Variants in PDE4D observed in about 807,000 individuals in gnomAD.
The protein encoded by PDE4D is phosphodiesterase 4D, also known as 3',5'-cyclic-AMP phosphodiesterase 4D.
Under a neutral mutation model 87.4 loss-of-function variants are expected in PDE4D, and 24 were observed. The ratio of observed to expected loss-of-function variants is 0.27; its 90% confidence interval spans 0.20 to 0.39. The LOEUF is 0.39. Among genes scored for constraint, PDE4D ranks in the 10% least tolerant of loss-of-function variants. The pLI, the probability that PDE4D is intolerant of heterozygous loss-of-function variation, is 1.00. For missense variants in PDE4D, 714 were observed against 1,041.0 expected (o/e 0.69, Z 4.32); for synonymous variants, 384 against 383.2 (o/e 1.00, Z -0.02).
At chr5:59,995,609 G>A (rs1027104000) in intron 2 of PDE4D, among the ~76,000 whole-genome samples, 6 of 152,122 alleles carry the variant, frequency 3.9e-5, no homozygotes, top group Non-Finnish European at 7.4e-5. Context: ...GTGAGCCACT[G>A]CACCCGGCCG....
chr5:60,109,978 T>C (rs1029868605), intron 2 of PDE4D, among the ~76,000 whole-genome samples: 1 of 151,910 alleles, frequency 6.6e-6, no homozygotes, highest in African/African-American at 2.4e-5. Flanking sequence ...AACCTGCACA[T>C]TGTGCACATG....
In PDE4D at chr5:59,193,407, T is replaced by C; in HGVS notation, c.684+93A>G. On this transcript the variant is annotated intron_variant, in intron 3 of 14. Transcript: ENST00000340635. ...ATTTGTATTTGTACTTGTGCTTGAT[T>C]TAAAATTAAATTAAATTAATAACCC... The C allele has an allele frequency of 2.6e-6, 3 of 1,166,916 alleles. No individual in the cohort carries two copies. In the South Asian group the frequency reaches 4.1e-5, roughly 16 times the overall value. The allele number at this position is 1,166,916 out of a possible 1,614,324, so 72.3% of individuals were successfully genotyped here. A position where few individuals can be genotyped will look rare whatever the true frequency, so the allele number is the denominator to read the frequency against.
intron 5 of PDE4D, among the ~76,000 whole-genome samples, chr5:59,079,742 G>A (rs1010084309): frequency 2.6e-5 from 4 of 151,652 alleles, no homozygotes; most frequent in Non-Finnish European, 5.9e-5. Flanking sequence ...CAGAGGCTGA[G>A]GCAGGAGGAC....
rs112014702 is a variant in PDE4D at position 59,962,823 on chromosome 5, A to C, written c.272+25665T>G. Among the ~76,000 whole-genome samples the C allele has an allele frequency of 2.0e-5, 3 of 152,298 alleles. 1 individual carries two copies. The highest frequency in any genetic ancestry group is 7.2e-5 in the African/African-American group (3 of 41,590). ...GGGATATATGTTAACTTAAAATTTG[A>C]ATTCATAGTGATATCTTTTCTCCTT... On this transcript the variant is annotated intron_variant, in intron 3 of 16. Coordinates refer to the PDE4D transcript ENST00000502484.
chr5:59,751,610 T>TGTGTGTGTGA (rs1339355385), intron 1 of PDE4D, among the ~76,000 whole-genome samples: 1 of 148,314 alleles, frequency 6.7e-6, no homozygotes, highest in Non-Finnish European at 1.5e-5. Context: ...TGTGTGTGTG[T>TGTGTGTGTGA]GATGTGAGAG....
chr5:59,142,715 T>C (rs1778065502), intron 5 of PDE4D, among the ~76,000 whole-genome samples: 1 of 152,130 alleles, frequency 6.6e-6, no homozygotes, highest in South Asian at 2.1e-4. Context: ...GGCGGGCGGA[T>C]CATGAGGTTA....
intron 1 of PDE4D, among the ~76,000 whole-genome samples, chr5:60,267,256 C>T (rs1750314502): frequency 6.6e-6 from 1 of 152,172 alleles, no homozygotes; most frequent in East Asian, 1.9e-4. Flanking sequence ...TATTATCTAT[C>T]AGGGTCTACA....
At chr5:60,411,541 G>C (rs950825230) in intron 1 of PDE4D, among the ~76,000 whole-genome samples, 5 of 152,106 alleles carry the variant, frequency 3.3e-5, no homozygotes, top group African/African-American at 1.2e-4. Flanking sequence ...ATATATGAAA[G>C]TAATCACCAT....
intron 1 of PDE4D, among the ~76,000 whole-genome samples, chr5:59,574,087 T>A (rs1246550375): frequency 2.9e-3 from 7 of 2,438 alleles, no homozygotes; most frequent in African/African-American, 7.1e-3. Context: ...TATATATTTA[T>A]ATATATAAAT....
At chr5:59,989,113 TATACACAC>T (rs145691930) in intron 2 of PDE4D, among the ~76,000 whole-genome samples, 41,863 of 133,298 alleles carry the variant, frequency 0.31, 7,404 homozygotes, top group East Asian at 0.56. Flanking sequence ...TATATATATA[TATACACAC>T]ACACACATAC....
At chr5:58,993,615 A>G (rs1748444096) in intron 6 of PDE4D, 150 bp from the exon 7 acceptor site, 1 of 531,162 alleles carries the variant, frequency 1.9e-6, no homozygotes, top group Non-Finnish European at 3.3e-6. Flanking sequence ...AACTTTCTTC[A>G]ATGAGGGGAA....
At chr5:59,918,108 T>G (rs1754273465) in intron 3 of PDE4D, among the ~76,000 whole-genome samples, 1 of 152,014 alleles carries the variant, frequency 6.6e-6, no homozygotes, top group Non-Finnish European at 1.5e-5. Context: ...TTAATAATGA[T>G]AAAAATATAT....
chr5:60,054,679 TAA>T (rs71606622), intron 2 of PDE4D, among the ~76,000 whole-genome samples: 1 of 150,856 alleles, frequency 6.6e-6, no homozygotes, highest in Admixed American at 6.6e-5. Context: ...TAAAGTATAA[TAA>T]AAAAAAATAA....
chr5:59,970,294 T>C (rs955538170), intron 3 of PDE4D, among the ~76,000 whole-genome samples: 1 of 152,098 alleles, frequency 6.6e-6, no homozygotes, highest in African/African-American at 2.4e-5. Flanking sequence ...GACACAGGCA[T>C]GGGCAAGGAC....
Position 59,121,056 on chromosome 5 carries a change from A to G in PDE4D, c.808+59539T>C, listed in dbSNP as rs185861934. 4.8e-3 allele frequency among the ~76,000 whole-genome samples: 725 copies of G among 152,334 alleles called. 6 individuals are homozygous for G. The highest frequency in any genetic ancestry group is 0.017 in the African/African-American group (698 of 41,586). On this transcript the variant is annotated intron_variant, in intron 5 of 14. Transcript: ENST00000340635. ...GACCCCTATCTCTCACCATACAAAA[A>G]TCAACTCAAGATGGATTAAAGACTT... is the stretch of plus-strand genomic sequence containing the variant.
chr5:59,616,918 C>CATATATATATATAT (rs55821264), intron 1 of PDE4D, among the ~76,000 whole-genome samples: 3,339 of 62,596 alleles, frequency 0.053, 402 homozygotes, highest in Middle Eastern at 0.091. Context: ...CTAATAATTA[C>CATATATATATATAT]ATATATATAT....
At chr5:59,302,957 C>T (rs1770557024) in intron 1 of PDE4D, among the ~76,000 whole-genome samples, 1 of 152,190 alleles carries the variant, frequency 6.6e-6, no homozygotes, top group African/African-American at 2.4e-5. Flanking sequence ...AAGGAATCCC[C>T]ACACTGTTTC....
intron 1 of PDE4D, among the ~76,000 whole-genome samples, chr5:60,392,855 C>T (rs184697897): frequency 2.6e-5 from 4 of 152,214 alleles, no homozygotes; most frequent in African/African-American, 2.4e-5. Flanking sequence ...CTCTCATGAT[C>T]AAACATTTCT....
intron 1 of PDE4D, among the ~76,000 whole-genome samples, chr5:59,444,484 T>C (rs976608252): frequency 9.2e-5 from 14 of 152,124 alleles, no homozygotes; most frequent in Admixed American, 6.6e-5. Context: ...AAAGTTGAGA[T>C]TTGGGCTTCT....
Sources: allele counts gnomAD v4.1 joint callset (sites outside exome capture counted in the v4.1 genomes callset), GRCh38; gene constraint gnomAD v4.1.1; transcripts MANE v1.5; gene names NCBI Gene and HGNC (gene_info 2026-07-23, HGNC 2026-07-21).